The following COMMD10 variants were observed in gnomAD, a reference collection of about 807,000 sequenced individuals.
COMMD10 encodes COMM domain containing 10.
COMMD10 carries 33 observed loss-of-function variants against 28.9 expected under a neutral mutation model. The observed-to-expected ratio is 1.14, with a 90% CI of 0.87 to 1.53. The LOEUF (loss-of-function observed/expected upper bound fraction) is 1.53, where lower values mean the gene tolerates loss of function less well. COMMD10 is among the 40% of genes most tolerant of loss of function. The pLI is 0.00. For synonymous variants in COMMD10, 110 were observed against 81.7 expected (o/e 1.35, Z -1.87); for missense variants, 310 against 233.4 (o/e 1.33, Z -2.14).
Position 116,144,949 on chromosome 5 carries a change from A to G in COMMD10, c.510+10771A>G, listed in dbSNP as rs114631640. Among the ~76,000 whole-genome samples the G allele has an allele frequency of 4.8e-3, 728 of 151,966 alleles. 5 individuals carry two copies. Among genetic ancestry groups the G allele is most frequent in the African/African-American group, 0.015 (617 of 41,514 alleles). ...AGAATGGAGAGGGATATATTAATAC[A>G]TTTCTTGAGAAAGTGAGATGTGAGA... is the stretch of plus-strand genomic sequence containing the variant. On this transcript the variant is annotated intron_variant, in intron 5 of 6. Coordinates refer to ENST00000274458, the MANE Select transcript of COMMD10 (RefSeq NM_016144.4).
At chr5:116,208,584 A>T (rs146403656) in intron 5 of COMMD10, among the ~76,000 whole-genome samples, 1 of 152,290 alleles carries the variant, frequency 6.6e-6, no homozygotes, top group East Asian at 1.9e-4. Context: ...ACCTTGGTCT[A>T]TGTGACACTT....
At chr5:116,109,102 G>A (rs1273535020) in intron 4 of COMMD10, among the ~76,000 whole-genome samples, 2 of 152,174 alleles carry the variant, frequency 1.3e-5, no homozygotes, top group African/African-American at 2.4e-5. Context: ...CTTCTGCATC[G>A]ATTTTGCTGG....
At chr5:116,203,361 C>T (rs1748721735) in intron 5 of COMMD10, among the ~76,000 whole-genome samples, 1 of 151,874 alleles carries the variant, frequency 6.6e-6, no homozygotes, top group Non-Finnish European at 1.5e-5. Flanking sequence ...CAAGGCAGGC[C>T]AACATTCAGA....
chr5:116,187,741 A>G (rs1051234904), intron 5 of COMMD10, among the ~76,000 whole-genome samples: 1 of 152,066 alleles, frequency 6.6e-6, no homozygotes, highest in African/African-American at 2.4e-5. Flanking sequence ...TGGTAATTAA[A>G]TTCTTTTTTT....
At chr5:116,284,676 C>T (rs927609383) in intron 5 of COMMD10, among the ~76,000 whole-genome samples, 2 of 151,812 alleles carry the variant, frequency 1.3e-5, no homozygotes, top group African/African-American at 4.9e-5. Flanking sequence ...CTACATTTTC[C>T]ACCATGAAGT....
chr5:116,185,199 A>G (rs925629394), intron 5 of COMMD10, among the ~76,000 whole-genome samples: 1 of 151,536 alleles, frequency 6.6e-6, no homozygotes, highest in Non-Finnish European at 1.5e-5. Flanking sequence ...GACCCAAACT[A>G]CAATGTATGT....
intron 1 of COMMD10, chr5:116,085,654 C>T (rs115906530): frequency 0.034 from 5,202 of 152,320 alleles, 119 homozygotes; most frequent in Non-Finnish European, 0.056. Flanking sequence ...TAGTTAATTT[C>T]TACTTATGGT....
intron 5 of COMMD10, among the ~76,000 whole-genome samples, chr5:116,198,996 A>G (rs760574223): frequency 2.0e-5 from 3 of 152,120 alleles, no homozygotes; most frequent in Non-Finnish European, 4.4e-5. Context: ...GGTGGATTGT[A>G]TGGTAACAGC....
chr5:116,153,979 C>G (rs74399740), intron 5 of COMMD10, among the ~76,000 whole-genome samples: 1 of 151,872 alleles, frequency 6.6e-6, no homozygotes, highest in South Asian at 2.1e-4. Flanking sequence ...AAAATAGAAT[C>G]CATACTGGAT....
At chr5:116,223,368 AT>A (rs1749314804) in intron 5 of COMMD10, among the ~76,000 whole-genome samples, 2 of 150,806 alleles carry the variant, frequency 1.3e-5, no homozygotes, top group Non-Finnish European at 2.9e-5. Context: ...ACAAAAAAAA[AT>A]AGTAAGGATA....
intron 5 of COMMD10, among the ~76,000 whole-genome samples, chr5:116,147,541 T>A (rs1386554321): frequency 6.6e-6 from 1 of 151,856 alleles, no homozygotes. Context: ...GAAATTGACA[T>A]AAATTTTGCT....
At chr5:116,226,416 C>CT (rs34529275) in intron 5 of COMMD10, among the ~76,000 whole-genome samples, 88,321 of 138,046 alleles carry the variant, frequency 0.64, 32,767 homozygotes, top group South Asian at 0.84. Context: ...TTGTACTTCC[C>CT]TTTTTTTTTT....
chr5:116,234,122 A>G (rs533181366), intron 5 of COMMD10, among the ~76,000 whole-genome samples: 1 of 152,304 alleles, frequency 6.6e-6, no homozygotes, highest in South Asian at 2.1e-4. Context: ...TTGTAGGTAG[A>G]AAGACTAGGG....
At chr5:116,254,580 G>T (rs1160889886) in intron 5 of COMMD10, among the ~76,000 whole-genome samples, 136 of 151,126 alleles carry the variant, frequency 9.0e-4, no homozygotes, top group Middle Eastern at 3.4e-3. Flanking sequence ...AGGAGCAGGT[G>T]GTTCAGTTTC....
intron 5 of COMMD10, among the ~76,000 whole-genome samples, chr5:116,195,135 C>A (rs1301237111): frequency 1.3e-5 from 2 of 152,072 alleles, no homozygotes; most frequent in East Asian, 1.9e-4. Flanking sequence ...TTAAAACTCT[C>A]AACAAAATCG....
Position 116,245,568 on chromosome 5 carries a change from G to C in COMMD10, c.511-45949G>C, listed in dbSNP as rs142740150. On this transcript the variant is annotated intron_variant, in intron 5 of 6. Transcript: ENST00000274458. ...AAAACCTCAGGTCACTATGCTTGGT[G>C]GACATTGATACAAAAGTCCTCAACA... Among the ~76,000 whole-genome samples, 1,089 of 152,172 alleles carry C rather than the reference G, an allele frequency of 7.2e-3. 17 individuals carry two copies. Among genetic ancestry groups the C allele is most frequent in the African/African-American group, 0.025 (1,044 of 41,512 alleles).
At chr5:116,244,074 C>T (rs1199746252) in intron 5 of COMMD10, among the ~76,000 whole-genome samples, 2 of 152,100 alleles carry the variant, frequency 1.3e-5, no homozygotes, top group African/African-American at 4.8e-5. Context: ...TGTATTTGGA[C>T]TGATTCAAGG....
chr5:116,228,192 A>G (rs1214599103), intron 5 of COMMD10, among the ~76,000 whole-genome samples: 1 of 152,006 alleles, frequency 6.6e-6, no homozygotes, highest in African/African-American at 2.4e-5. Flanking sequence ...TTTAAGCCAA[A>G]TAAATAACAG....
At chr5:116,246,978 C>T (rs924836184) in intron 5 of COMMD10, among the ~76,000 whole-genome samples, 5 of 151,644 alleles carry the variant, frequency 3.3e-5, no homozygotes, top group South Asian at 2.1e-4. Context: ...TTGATAAATG[C>T]GATCTGATTA....
Sources: gnomAD v4.1 joint callset for allele counts (sites outside exome capture counted in the v4.1 genomes callset) on GRCh38, gnomAD v4.1.1 for gene constraint, MANE v1.5 for transcripts, NCBI Gene and HGNC (gene_info 2026-07-23, HGNC 2026-07-21) for gene names.